The following ZNF215 variants were observed in gnomAD, a reference collection of about 807,000 sequenced individuals.
The protein encoded by ZNF215 is BWSCR2-associated zinc finger protein 2.
Under a neutral mutation model 27.2 loss-of-function variants are expected in ZNF215, and 24 were observed. That is an observed-to-expected ratio of 0.88 (90% CI 0.64 to 1.24). ZNF215 has a LOEUF of 1.24. Ranked by LOEUF, ZNF215 falls within the 50% of genes most tolerant of loss-of-function variation. The pLI, the probability that ZNF215 is intolerant of heterozygous loss-of-function variation, is 0.00. For missense variants in ZNF215, 675 were observed against 605.7 expected, an observed-to-expected ratio of 1.11 and a Z score of -1.20; for synonymous variants, 210 against 204.0, an observed-to-expected ratio of 1.03 and a Z score of -0.25.
intron 2 of ZNF215, among the ~76,000 whole-genome samples, chr11:6,928,878 C>A (rs1849156740): frequency 6.6e-6 from 1 of 152,058 alleles, no homozygotes; most frequent in African/African-American, 2.4e-5. Flanking sequence ...GCTAATGAGG[C>A]CAGATCAGGA....
downstream of ZNF215, among the ~76,000 whole-genome samples, chr11:6,959,616 T>C (rs1022052295): frequency 6.6e-6 from 1 of 152,146 alleles, no homozygotes; most frequent in Non-Finnish European, 1.5e-5. Flanking sequence ...AAAAATAATC[T>C]TGAATAAGAG....
In ZNF215 at chr11:6,970,262, C is replaced by T. The variant is rs1435655992; in HGVS notation, c.806-13867C>T. The stretch of plus-strand genomic sequence containing the variant: ...TGAAATAAAAATGTAAAAATTTGTA[C>T]AGAAAAAAATGATCCAATTTCTTTA... On this transcript the variant is annotated intron_variant, in intron 5 of 5. Coordinates refer to the ZNF215 transcript ENST00000529903. Among the ~76,000 whole-genome samples, 10 of 152,194 alleles carry T rather than the reference C, an allele frequency of 6.6e-5. No homozygotes were observed. The East Asian group carries it at 1.7e-3, about 26-fold the overall frequency.
At chr11:6,941,985 C>A (rs1317743910) in intron 4 of ZNF215, among the ~76,000 whole-genome samples, 2 of 152,108 alleles carry the variant, frequency 1.3e-5, no homozygotes, top group African/African-American at 4.8e-5. Flanking sequence ...AACCTCAAAG[C>A]ATACTAAAAA....
intron 3 of ZNF215, among the ~76,000 whole-genome samples, chr11:6,935,654 GAA>G (rs1330050439): frequency 6.6e-6 from 1 of 151,726 alleles, no homozygotes; most frequent in East Asian, 1.9e-4. Flanking sequence ...AGAAATACTA[GAA>G]AAAAAGATTA....
At chr11:6,990,891 TCAA>T (rs1314794576), downstream of ZNF215, among the ~76,000 whole-genome samples, 1 of 152,194 alleles carries the variant, frequency 6.6e-6, no homozygotes, top group African/African-American at 2.4e-5. Context: ...CTGCAAAAAT[TCAA>T]CAGACCAGGA....
At chr11:6,988,355 G>A (rs1472524156), downstream of ZNF215, 2 of 701,936 alleles carry the variant, frequency 2.8e-6, no homozygotes, top group Non-Finnish European at 3.5e-6. Context: ...GATTAGAGTA[G>A]GATGAACATC....
intron 5 of ZNF215, among the ~76,000 whole-genome samples, chr11:6,969,168 T>TAAGA (rs1400504338): frequency 1.3e-5 from 2 of 152,176 alleles, no homozygotes; most frequent in Non-Finnish European, 2.9e-5. Flanking sequence ...CTTATGCTTT[T>TAAGA]AAGAAAGAAA....
downstream of ZNF215, among the ~76,000 whole-genome samples, chr11:6,991,865 C>G (rs1311145069): frequency 1.3e-5 from 2 of 152,194 alleles, no homozygotes; most frequent in Non-Finnish European, 2.9e-5. Context: ...ATTACTACAA[C>G]TAGTTACCTG....
At chr11:6,965,509 T>G (rs1850601063) in intron 5 of ZNF215, among the ~76,000 whole-genome samples, 1 of 152,154 alleles carries the variant, frequency 6.6e-6, no homozygotes, top group African/African-American at 2.4e-5. Flanking sequence ...AGATCAATTT[T>G]GGGAAATTTC....
chr11:6,942,677 C>T (rs945292350), intron 4 of ZNF215, among the ~76,000 whole-genome samples: 8 of 152,128 alleles, frequency 5.3e-5, no homozygotes, highest in Non-Finnish European at 1.2e-4. Context: ...CCTCTCCTTC[C>T]AGCAGAGCCT....
At chr11:6,976,142 T>C (rs1280542434) in intron 5 of ZNF215, among the ~76,000 whole-genome samples, 3 of 152,106 alleles carry the variant, frequency 2.0e-5, no homozygotes, top group Non-Finnish European at 2.9e-5. Context: ...GTATGTCATC[T>C]TCTGATAAAT....
chr11:6,956,904 T>C lies in ZNF215; in HGVS notation c.*373T>C, dbSNP rs1850382302. On this transcript the variant is annotated 3_prime_UTR_variant, in exon 7 of 7. Coordinates refer to ENST00000278319, the MANE Select transcript of ZNF215 (RefSeq NM_013250.4). ...GACATTAGGCAAAGCCAAACAATAC[T>C]CTTGGAGTTGATATTTAATAAAACT... The C allele has an allele frequency of 1.8e-5, 18 of 997,818 alleles. No homozygotes were observed. The highest frequency in any genetic ancestry group is 2.1e-5 in the Non-Finnish European group (18 of 837,718). 61.8% of individuals were successfully genotyped at this position (997,818 alleles called of 1,614,324 possible).
At chr11:6,966,203 T>C (rs1045406923) in intron 5 of ZNF215, among the ~76,000 whole-genome samples, 3 of 152,186 alleles carry the variant, frequency 2.0e-5, no homozygotes, top group Non-Finnish European at 4.4e-5. Flanking sequence ...TCATGTCCTT[T>C]GCAGCGGCAT....
At chr11:6,929,968 A>T (rs1291956593) in intron 2 of ZNF215, among the ~76,000 whole-genome samples, 1 of 152,156 alleles carries the variant, frequency 6.6e-6, no homozygotes. Context: ...TCACTGCCTT[A>T]TGAGTATTAA....
At chr11:6,944,812 A>G (rs1849760338) in intron 6 of ZNF215, among the ~76,000 whole-genome samples, 1 of 152,182 alleles carries the variant, frequency 6.6e-6, no homozygotes, top group Non-Finnish European at 1.5e-5. Context: ...CATCAGGAAT[A>G]CGTCATTTTA....
chr11:6,967,326 A>G (rs374166696), intron 5 of ZNF215, among the ~76,000 whole-genome samples: 6 of 152,170 alleles, frequency 3.9e-5, no homozygotes, highest in African/African-American at 1.4e-4. Context: ...GTACCCAGTA[A>G]TGGGATTGCT....
intron 6 of ZNF215, among the ~76,000 whole-genome samples, chr11:6,954,852 G>T (rs566369476): frequency 1.3e-5 from 2 of 152,246 alleles, no homozygotes; most frequent in African/African-American, 4.8e-5. Flanking sequence ...CTGTAGACCG[G>T]AGCTGTTCCT....
chr11:6,994,037 A>C (rs2468989), intron 6 of ZNF215, among the ~76,000 whole-genome samples: 59,448 of 151,916 alleles, frequency 0.39, 13,025 homozygotes, highest in East Asian at 0.67. Flanking sequence ...GTATAGTGCT[A>C]AGGTGCTGTC....
At chr11:6,986,626 G>A (rs1264744137), downstream of ZNF215, among the ~76,000 whole-genome samples, 2 of 152,000 alleles carry the variant, frequency 1.3e-5, no homozygotes, top group Admixed American at 6.6e-5. Flanking sequence ...TCCAACAAAC[G>A]TCTAATATCC....
Sources: gnomAD v4.1 joint callset for allele counts (sites outside exome capture counted in the v4.1 genomes callset) on GRCh38, gnomAD v4.1.1 for gene constraint, MANE v1.5 for transcripts, NCBI Gene and HGNC (gene_info 2026-07-23, HGNC 2026-07-21) for gene names.